Variants in NSA2 observed in about 807,000 individuals in gnomAD.
NSA2 encodes the protein NSA2 ribosome biogenesis factor.
NSA2 carries 18 observed loss-of-function variants against 34.8 expected under a neutral mutation model. The ratio of observed to expected loss-of-function variants is 0.52; its 90% CI spans 0.36 to 0.77. NSA2 has a LOEUF of 0.77. NSA2 is among the 30% of genes least tolerant of loss of function. The pLI, the probability that NSA2 is intolerant of heterozygous loss-of-function variation, is 0.00. For synonymous variants in NSA2, 79 were observed against 100.2 expected (o/e 0.79, Z 1.26); for missense variants, 188 against 314.7 (o/e 0.60, Z 3.05).
chr5:74,769,217 C>G lies in NSA2; in HGVS notation c.195C>G (p.Ile65Met), dbSNP rs1326869763. 1 of 1,604,730 alleles carries G rather than the reference C, an allele frequency of 6.2e-7. No individual in the cohort carries two copies. The highest frequency in any genetic ancestry group is 2.2e-5 in the East Asian group (1 of 44,816). ...HAEKIQMKKT[I>M]KMHEKRNTKQ... ...AATCTTTTTTCCTTCTTGGTAGTAT[C>G]AAGATGCATGAAAAGAGAAACACCA... Residue 65 changes from isoleucine (I) to methionine (M), a missense_variant, in exon 3 of 6, where the codon ATC becomes ATG. Transcript: ENST00000610426.
rs1291572158 is a variant in NSA2, at chr5:74,773,882, G to A, written c.537G>A (p.Lys179=). The change falls in exon 5 of 6, where the codon AAG becomes AAA. Residue 179 remains lysine, a synonymous_variant. Coordinates refer to ENST00000610426, the MANE Select transcript of NSA2 (RefSeq NM_014886.6). ...RFIRPMGLRF[K]KAHVTHPELK... ...TGACTTACTAGGGCTTGCGTTTCAA[G>A]AAAGCCCATGTAACACATCCTGAAC... 6.2e-7 allele frequency: 1 copy of A among 1,612,298 alleles called. No homozygotes were observed. The highest frequency in any genetic ancestry group is 1.3e-5 in the African/African-American group (1 of 74,956).
Position 74,769,011 on chromosome 5 carries a change from A to G in NSA2, c.84A>G (p.Glu28=). 1 of 1,611,206 alleles carries G rather than the reference A, an allele frequency of 6.2e-7. No homozygotes were observed. The highest frequency in any genetic ancestry group is 8.5e-7 in the Non-Finnish European group (1 of 1,179,122). ...ACCATGAGAAAAAGAGAAAGAAGGA[A>G]AGTCGAGAGGCTCATGAACGTTCAA... ...LDYHEKKRKK[E]SREAHERSKK... Residue 28 remains glutamate, a synonymous_variant, in exon 2 of 6, where the codon GAA becomes GAG. Coordinates refer to ENST00000610426, the MANE Select transcript of NSA2 (RefSeq NM_014886.6).
At position 74,770,663 on chromosome 5, in the gene NSA2, T is replaced by C; in HGVS notation, c.375T>C (p.Arg125=). Residue 125 remains arginine (R), a synonymous_variant, in exon 4 of 6, where the codon CGT becomes CGC. Coordinates refer to ENST00000610426, the MANE Select transcript of NSA2 (RefSeq NM_014886.6). ...GGGAAGTCCCTCTGCCTAAAGTACG[T>C]GCCCAGGGAGAAACAGAAGTATTAA... ...GKWEVPLPKV[R]AQGETEVLKV... The C allele has an allele frequency of 1.2e-6, 2 of 1,607,390 alleles. No individual in the cohort carries two copies. The highest frequency in any genetic ancestry group is 1.7e-6 in the Non-Finnish European group (2 of 1,177,444).
At chr5:74,769,482 T>G (rs1744848597) in intron 3 of NSA2, 118 bp downstream of exon 3, 1 of 771,382 alleles carries the variant, frequency 1.3e-6, no homozygotes. Context: ...TTCCCATTAT[T>G]TAGATGTTGA....
Position 74,773,898 on chromosome 5 carries a change from C to T in NSA2, c.553C>T (p.His185Tyr). ...GCGTTTCAAGAAAGCCCATGTAACA[C>T]ATCCTGAACTGAAAGCCACCTTTTG... ...GLRFKKAHVT[H>Y]PELKATFCLP... The change falls in exon 5 of 6, where the codon CAT becomes TAT. Residue 185 changes from histidine (H) to tyrosine (Y), a missense_variant. Physicochemically the swap from His to Tyr is moderately conservative, Grantham distance 83. Transcript: ENST00000610426. The T allele has an allele frequency of 1.2e-6, 2 of 1,613,612 alleles. No individual in the cohort carries two copies. Among genetic ancestry groups the T allele is most frequent in the Non-Finnish European group, 1.7e-6 (2 of 1,179,714 alleles).
At chr5:74,768,868 A>G in intron 1 of NSA2, 63 bp from the exon 2 acceptor site, 1 of 1,190,928 alleles carries the variant, frequency 8.4e-7, no homozygotes, top group Non-Finnish European at 1.2e-6. Context: ...TGTAAAAGAA[A>G]GCATTTTAGA....
intron 4 of NSA2, 104 bp from the exon 5 acceptor site, chr5:74,773,764 A>G (rs756304196): frequency 3.6e-5 from 29 of 815,088 alleles, no homozygotes; most frequent in Non-Finnish European, 4.9e-5. Flanking sequence ...TTATTCAACC[A>G]TAGTTTTTTG....
intron 1 of NSA2, among the ~76,000 whole-genome samples, chr5:74,767,841 T>G (rs1350012703): frequency 6.6e-6 from 1 of 152,180 alleles, no homozygotes; most frequent in East Asian, 1.9e-4. Context: ...GTCCTTTCTC[T>G]TTGTGTTACG....
chr5:74,775,653 A>T (rs953909833), intron 5 of NSA2, among the ~76,000 whole-genome samples: 1 of 151,816 alleles, frequency 6.6e-6, no homozygotes, highest in African/African-American at 2.4e-5. Context: ...TTTAATAAAA[A>T]TTCTTTATTA....
chr5:74,772,032 A>G (rs1744952275), intron 4 of NSA2, among the ~76,000 whole-genome samples: 1 of 151,964 alleles, frequency 6.6e-6, no homozygotes, highest in African/African-American at 2.4e-5. Flanking sequence ...AGACTGAACT[A>G]TTCTCCCAGT....
intron 4 of NSA2, among the ~76,000 whole-genome samples, chr5:74,772,285 C>T (rs147085829): frequency 0.013 from 2,041 of 152,074 alleles, 45 homozygotes; most frequent in African/African-American, 0.046. Flanking sequence ...CTACCACGCC[C>T]GGCTAATTTT....
intron 4 of NSA2, 132 bp downstream of exon 4, chr5:74,770,942 G>A: frequency 2.6e-6 from 2 of 776,720 alleles, no homozygotes; most frequent in Non-Finnish European, 3.9e-6. Flanking sequence ...TGCAATTTTT[G>A]TTATTTTATT....
In NSA2 at chr5:74,773,477, A is replaced by T. The variant is rs554762061; in HGVS notation, c.523-391A>T. On this transcript the variant is annotated intron_variant, in intron 4 of 5. Coordinates refer to ENST00000610426, the MANE Select transcript of NSA2 (RefSeq NM_014886.6). ...GCGAAACCCCATCTCTACCAAAAAAAAAAAAAAAAAAAATAAGCTAGGCAT... is the reference window on the plus strand; with the variant it reads ...GCGAAACCCCATCTCTACCAAAAAATAAAAAAAAAAAAATAAGCTAGGCAT... 1.6e-4 allele frequency among the ~76,000 whole-genome samples: 24 copies of T among 150,358 alleles called. No homozygotes were observed. In the East Asian group the frequency reaches 3.3e-3, roughly 21 times the overall value.
chr5:74,768,188 T>A (rs909326376), intron 1 of NSA2, among the ~76,000 whole-genome samples: 7 of 152,228 alleles, frequency 4.6e-5, no homozygotes, highest in Non-Finnish European at 1.0e-4. Context: ...TGCAGATTTA[T>A]TCGTAATCAC....
In NSA2 at chr5:74,779,930, T is replaced by A. The variant is rs1745328274; in HGVS notation, c.*3259T>A. The A allele has an allele frequency of 6.6e-6, 1 of 152,220 alleles. No homozygotes were observed. The highest frequency in any genetic ancestry group is 6.5e-5 in the Admixed American group (1 of 15,276). The allele number at this position is 152,220 out of a possible 1,614,324, so 9.4% of individuals were successfully genotyped here. ...TCAAATAATGACACAAAGTCTTAGT[T>A]TCTTTTGCATAAGGATCAAGATCAA... On this transcript the variant is annotated 3_prime_UTR_variant, in exon 6 of 6. Transcript: ENST00000610426.
rs747627162 is a variant in NSA2, at chr5:74,770,755, T to C, written c.467T>C (p.Val156Ala). ...AGAATGGTTACTAAAGTGTGCTTTG[T>C]TGGAGATGGCTTTACAAGAAAACCA... ...WKRMVTKVCF[V>A]GDGFTRKPPK... The change falls in exon 4 of 6, where the codon GTT (valine) becomes GCT (alanine). Residue 156 changes from valine to alanine, a missense_variant. Coordinates refer to ENST00000610426, the MANE Select transcript of NSA2 (RefSeq NM_014886.6). 3 of 1,612,556 alleles carry C rather than the reference T, an allele frequency of 1.9e-6. No homozygotes were observed. The highest frequency in any genetic ancestry group is 1.1e-5 in the South Asian group (1 of 90,632).
In NSA2 at chr5:74,767,279, G is replaced by T. The variant is rs1385757402; in HGVS notation, c.-82G>T. On this transcript the variant is annotated 5_prime_UTR_variant, in exon 1 of 6. Coordinates refer to ENST00000610426, the MANE Select transcript of NSA2 (RefSeq NM_014886.6). ...TTCCTGTCCCGGCCTGCGTGGTGTG[G>T]GCTTGTGGGTCTTTGAGACCCGAAA... 1.3e-6 allele frequency: 2 copies of T among 1,569,832 alleles called. No homozygotes were observed. The highest frequency in any genetic ancestry group is 1.8e-6 in the Non-Finnish European group (2 of 1,141,494).
At position 74,778,570 on chromosome 5, in the gene NSA2, C is replaced by T. The variant is rs1320089541; in HGVS notation, c.*1899C>T. 2 of 148,526 alleles carry T rather than the reference C, an allele frequency of 1.3e-5. No individual in the cohort carries two copies. The highest frequency in any genetic ancestry group is 3.0e-5 in the Non-Finnish European group (2 of 67,624). 9.2% of individuals were successfully genotyped at this position (148,526 alleles called of 1,614,324 possible). A position where few individuals can be genotyped will look rare whatever the true frequency, so the allele number is the denominator to read the frequency against. ...AGACACATTTTAAGTAGAAGACTGA[C>T]GTTCTAAATCATGCTGTTTGATTTT... On this transcript the variant is annotated 3_prime_UTR_variant, in exon 6 of 6. Transcript: ENST00000610426.
At chr5:74,776,561 T>TAACA (rs1425927845) in intron 5 of NSA2, 43 bp from the exon 6 acceptor site, 13 of 993,760 alleles carry the variant, frequency 1.3e-5, no homozygotes, top group Admixed American at 3.5e-5. Context: ...TTTTATTAGC[T>TAACA]AACAACCCTC....
Sources: gnomAD v4.1 joint callset for allele counts (sites outside exome capture counted in the v4.1 genomes callset) on GRCh38, gnomAD v4.1.1 for gene constraint, MANE v1.5 for transcripts, NCBI Gene and HGNC (gene_info 2026-07-23, HGNC 2026-07-21) for gene names.